Variants in TTC39B observed in about 807,000 individuals in gnomAD.
TTC39B encodes the protein tetratricopeptide repeat protein 39B.
TTC39B carries 92 observed loss-of-function variants against 96.6 expected under a neutral mutation model. The observed-to-expected ratio is 0.95, with a 90% CI of 0.80 to 1.13. The LOEUF (loss-of-function observed/expected upper bound fraction) is 1.13. Among genes scored for constraint, TTC39B ranks in the 50% most tolerant of loss-of-function variants. The pLI, the probability that TTC39B is intolerant of heterozygous loss-of-function variation, is 0.00. For missense variants in TTC39B, 955 were observed against 809.3 expected (o/e 1.18, Z -2.18); for synonymous variants, 367 against 299.4 (o/e 1.23, Z -2.33).
intron 2 of TTC39B, among the ~76,000 whole-genome samples, chr9:15,242,495 A>T (rs1822089699): frequency 6.6e-6 from 1 of 152,164 alleles, no homozygotes; most frequent in Non-Finnish European, 1.5e-5. Context: ...AAGCGGGAGG[A>T]TCGCTTGAAA....
intron 1 of TTC39B, among the ~76,000 whole-genome samples, chr9:15,274,887 CT>C (rs1005342792): frequency 2.0e-4 from 31 of 152,224 alleles, no homozygotes; most frequent in African/African-American, 7.2e-4. Context: ...GTAAAATCAT[CT>C]GCCAAAACAT....
chr9:15,198,758 C>T (rs1367720694), intron 8 of TTC39B, among the ~76,000 whole-genome samples: 4 of 151,876 alleles, frequency 2.6e-5, no homozygotes, highest in Non-Finnish European at 5.9e-5. Flanking sequence ...AAACATTCAA[C>T]TGCCCAGCTA....
At chr9:15,307,030 G>T (rs1290642418) in intron 1 of TTC39B, 54 bp downstream of exon 1, 2 of 1,587,208 alleles carry the variant, frequency 1.3e-6, no homozygotes, top group Non-Finnish European at 1.7e-6. Context: ...CTTCTCTCCC[G>T]GACTCCTGTC....
At chr9:15,214,338 G>A (rs915296782) in intron 3 of TTC39B, 89 bp from the exon 4 acceptor site, 2 of 816,264 alleles carry the variant, frequency 2.5e-6, no homozygotes, top group South Asian at 1.5e-5. Flanking sequence ...GTGTGTGTGT[G>A]TGTGTGTGTC....
chr9:15,211,226 G>C (rs747550364), intron 5 of TTC39B, 40 bp downstream of exon 5: 3 of 1,412,396 alleles, frequency 2.1e-6, no homozygotes, highest in Admixed American at 2.7e-5. Context: ...AGGCATAAAA[G>C]TTTGCAGTCA....
At chr9:15,220,889 C>T (rs1820805355) in intron 3 of TTC39B, among the ~76,000 whole-genome samples, 1 of 152,166 alleles carries the variant, frequency 6.6e-6, no homozygotes, top group South Asian at 2.1e-4. Flanking sequence ...TCACCCTGAA[C>T]ACACCCGATC....
At chr9:15,184,495 T>C (rs1818415247) in intron 16 of TTC39B, among the ~76,000 whole-genome samples, 1 of 151,614 alleles carries the variant, frequency 6.6e-6, no homozygotes, top group Non-Finnish European at 1.5e-5. Flanking sequence ...AGCTTTCCTG[T>C]GCTGACTATC....
chr9:15,246,201 C>T (rs1329729837), intron 2 of TTC39B, among the ~76,000 whole-genome samples: 4 of 152,058 alleles, frequency 2.6e-5, no homozygotes, highest in African/African-American at 7.2e-5. Flanking sequence ...TGTGGTGAGC[C>T]GAGATCACGC....
chr9:15,241,704 G>C (rs929398248), intron 2 of TTC39B, among the ~76,000 whole-genome samples: 3 of 150,168 alleles, frequency 2.0e-5, no homozygotes, highest in Non-Finnish European at 4.4e-5. Context: ...CTAGAATGAG[G>C]AAAATAGTAA....
intron 2 of TTC39B, among the ~76,000 whole-genome samples, chr9:15,244,864 CAA>C (rs1321965479): frequency 6.6e-6 from 1 of 152,100 alleles, no homozygotes; most frequent in Non-Finnish European, 1.5e-5. Flanking sequence ...CCACCTAAAA[CAA>C]AGAGTAACAA....
chr9:15,188,639 A>T (rs1236452330), intron 13 of TTC39B, among the ~76,000 whole-genome samples: 1 of 152,210 alleles, frequency 6.6e-6, no homozygotes, highest in East Asian at 1.9e-4. Context: ...CATGTGGATA[A>T]ATTTGTAAAC....
chr9:15,268,514 A>G (rs1823220879), intron 1 of TTC39B, among the ~76,000 whole-genome samples: 1 of 152,134 alleles, frequency 6.6e-6, no homozygotes, highest in Non-Finnish European at 1.5e-5. Context: ...AAGACCACAC[A>G]CACACTCCAC....
intron 17 of TTC39B, among the ~76,000 whole-genome samples, chr9:15,178,722 C>A (rs946102568): frequency 6.6e-6 from 1 of 152,124 alleles, no homozygotes; most frequent in Admixed American, 6.5e-5. Context: ...AATCTGAGCT[C>A]TAAATAAAGA....
chr9:15,271,787 G>C (rs1823362552), intron 1 of TTC39B, among the ~76,000 whole-genome samples: 1 of 152,148 alleles, frequency 6.6e-6, no homozygotes, highest in Non-Finnish European at 1.5e-5. Flanking sequence ...ATAAATACTA[G>C]TTCCTCAAAT....
intron 1 of TTC39B, among the ~76,000 whole-genome samples, chr9:15,302,725 T>A (rs2131624580): frequency 6.6e-6 from 1 of 151,774 alleles, no homozygotes; most frequent in South Asian, 2.1e-4. Flanking sequence ...GCGCCTGTAA[T>A]CCAAGCTACT....
chr9:15,186,941 T>C lies in TTC39B; in HGVS notation c.1487+3A>G, dbSNP rs372662764. 1.9e-6 allele frequency: 3 copies of C among 1,612,790 alleles called. No individual in the cohort carries two copies. Among genetic ancestry groups the C allele is most frequent in the African/African-American group, 2.7e-5 (2 of 74,866 alleles). On this transcript the variant is annotated splice_donor_region_variant and intron_variant, in intron 15 of 19. Coordinates refer to ENST00000512701, the Ensembl canonical transcript of TTC39B. ...TTTGTTATAGGAATAGTGTCTCACA[T>C]ACCTGAATAAAGTTACCACATTCTC...
chr9:15,189,654 C>T, intron 12 of TTC39B, 21 bp from the exon 13 acceptor site: 1 of 1,614,106 alleles, frequency 6.2e-7, no homozygotes, highest in South Asian at 1.1e-5. Flanking sequence ...AGGAAGAAAA[C>T]ACACTGTTCA....
At chr9:15,250,051 A>G (rs1183093629) in intron 2 of TTC39B, 1 of 1,284,348 alleles carries the variant, frequency 7.8e-7, no homozygotes, top group South Asian at 1.3e-5. Flanking sequence ...GCCAACAAAA[A>G]TCCTCAATTT....
At chr9:15,185,244 A>G (rs368142316) in intron 16 of TTC39B, 36 bp downstream of exon 16, 2 of 1,578,574 alleles carry the variant, frequency 1.3e-6, no homozygotes, top group Non-Finnish European at 1.7e-6. Context: ...TAGGTAATTT[A>G]TTTCTAGTAC....
Sources: gnomAD v4.1 joint callset for allele counts (sites outside exome capture counted in the v4.1 genomes callset) on GRCh38, gnomAD v4.1.1 for gene constraint, MANE v1.5 for transcripts, NCBI Gene and HGNC (gene_info 2026-07-23, HGNC 2026-07-21) for gene names.